The following DOCK3 variants were observed in gnomAD, a reference collection of about 807,000 sequenced individuals.
DOCK3 encodes dedicator of cytokinesis 3.
In DOCK3, 60 loss-of-function variants were observed where a neutral mutation model predicts 265.6. The ratio of observed to expected loss-of-function variants is 0.23; its 90% confidence interval spans 0.18 to 0.28. DOCK3 has a LOEUF of 0.28. Among genes scored for constraint, DOCK3 ranks in the 10% least tolerant of loss-of-function variants. The pLI is 1.00. For synonymous variants in DOCK3, 881 were observed against 938.0 expected (o/e 0.94, Z 1.11); for missense variants, 1,981 against 2,594.3 (o/e 0.76, Z 5.14).
In DOCK3 at chr3:51,171,955, CTA is replaced by C. The variant is rs1200498718; in HGVS notation, c.1037+11257_1037+11258del. Among the ~76,000 whole-genome samples, 5 of 152,040 alleles carry C rather than the reference CTA, an allele frequency of 3.3e-5. No individual in the cohort carries two copies. The East Asian group carries it at 9.6e-4, about 29-fold the overall frequency. ...AGTTCCCTACTGTTATTGTATTGTA[CTA>C]TATCTCTTCCTGTAGAACTATTAAT... On this transcript the variant is annotated intron_variant, in intron 12 of 52. Transcript: ENST00000266037.
chr3:51,220,668 A>C (rs58488974), intron 14 of DOCK3, among the ~76,000 whole-genome samples: 33 of 109,426 alleles, frequency 3.0e-4, no homozygotes, highest in African/African-American at 1.2e-3. Flanking sequence ...AAAAAAAAAA[A>C]AAATATATAT....
chr3:50,768,094 G>A (rs956253195), intron 1 of DOCK3, among the ~76,000 whole-genome samples: 3 of 152,058 alleles, frequency 2.0e-5, no homozygotes, highest in Non-Finnish European at 4.4e-5. Flanking sequence ...TTTCCTAATT[G>A]AATACCCTTT....
At chr3:51,157,261 C>CT (rs574157069) in intron 10 of DOCK3, among the ~76,000 whole-genome samples, 33 of 149,600 alleles carry the variant, frequency 2.2e-4, no homozygotes, top group African/African-American at 4.6e-4. Flanking sequence ...CTACATATTA[C>CT]TTTTTTTTTT....
At chr3:50,971,387 G>T (rs893899686) in intron 5 of DOCK3, among the ~76,000 whole-genome samples, 1 of 151,892 alleles carries the variant, frequency 6.6e-6, no homozygotes, top group Non-Finnish European at 1.5e-5. Context: ...TGTTGTATAG[G>T]GTCATTAGGT....
intron 2 of DOCK3, among the ~76,000 whole-genome samples, chr3:50,832,348 C>G (rs13100403): frequency 0.094 from 14,355 of 152,128 alleles, 834 homozygotes; most frequent in Non-Finnish European, 0.12. Context: ...CAACAAAAGC[C>G]AAAATTGACA....
chr3:50,882,308 C>T (rs1340717410), intron 3 of DOCK3, among the ~76,000 whole-genome samples: 1 of 152,170 alleles, frequency 6.6e-6, no homozygotes, highest in Non-Finnish European at 1.5e-5. Flanking sequence ...GCAAAAGAAA[C>T]TACCATCAGA....
At chr3:50,963,178 C>T (rs2108404713) in intron 5 of DOCK3, among the ~76,000 whole-genome samples, 1 of 152,260 alleles carries the variant, frequency 6.6e-6, no homozygotes, top group South Asian at 2.1e-4. Flanking sequence ...GTGAGACTGT[C>T]TCAAAAACAA....
At chr3:51,173,362 A>C (rs895451118) in intron 12 of DOCK3, among the ~76,000 whole-genome samples, 1 of 152,202 alleles carries the variant, frequency 6.6e-6, no homozygotes, top group South Asian at 2.1e-4. Context: ...GGCTCAAGTG[A>C]TCTGCCTGCC....
chr3:51,149,856 A>C (rs1030685916), intron 10 of DOCK3, among the ~76,000 whole-genome samples: 1 of 152,210 alleles, frequency 6.6e-6, no homozygotes, highest in African/African-American at 2.4e-5. Flanking sequence ...TGGCCTCATA[A>C]AATGAGTTAG....
At chr3:50,877,680 C>CTTTTT in intron 3 of DOCK3, 1 of 356,132 alleles carries the variant, frequency 2.8e-6, no homozygotes, top group Admixed American at 3.9e-5. Context: ...CTTTTCTTTT[C>CTTTTT]TTTTTCTTTT....
At chr3:51,142,080 T>C (rs1478450906) in intron 9 of DOCK3, among the ~76,000 whole-genome samples, 1 of 152,232 alleles carries the variant, frequency 6.6e-6, no homozygotes, top group Middle Eastern at 3.4e-3. Context: ...CACCTATTGT[T>C]TCCTTCTTCA....
chr3:51,082,574 C>A (rs2082279097), intron 7 of DOCK3, among the ~76,000 whole-genome samples: 5 of 152,178 alleles, frequency 3.3e-5, no homozygotes. Context: ...GTGGCAGAGC[C>A]ACTGCATACC....
intron 12 of DOCK3, among the ~76,000 whole-genome samples, chr3:51,176,118 A>G (rs1025116139): frequency 6.6e-6 from 1 of 152,224 alleles, no homozygotes. Context: ...TAATTCATTA[A>G]ATAATGAGCC....
chr3:51,331,581 G>A (rs1257612706), intron 33 of DOCK3, among the ~76,000 whole-genome samples: 1 of 151,948 alleles, frequency 6.6e-6, no homozygotes, highest in Non-Finnish European at 1.5e-5. Flanking sequence ...AGTAAATCAT[G>A]GGTGAATTAG....
At chr3:50,938,182 C>T (rs1043737746) in intron 5 of DOCK3, among the ~76,000 whole-genome samples, 12 of 151,682 alleles carry the variant, frequency 7.9e-5, no homozygotes, top group African/African-American at 2.9e-4. Flanking sequence ...AGAAAACTAC[C>T]AGGGAAAAAG....
intron 1 of DOCK3, among the ~76,000 whole-genome samples, chr3:50,695,752 G>C (rs1477500869): frequency 6.6e-6 from 1 of 152,190 alleles, no homozygotes; most frequent in African/African-American, 2.4e-5. Context: ...GTGCTCCTGG[G>C]GGTCGCTAGA....
intron 3 of DOCK3, among the ~76,000 whole-genome samples, chr3:50,846,413 A>G (rs1219567843): frequency 6.6e-6 from 1 of 152,152 alleles, no homozygotes; most frequent in Non-Finnish European, 1.5e-5. Context: ...TCAGGTTACT[A>G]GTATTTTGTT....
chr3:51,342,954 G>A (rs1459029388), intron 38 of DOCK3, among the ~76,000 whole-genome samples: 1 of 152,144 alleles, frequency 6.6e-6, no homozygotes, highest in Non-Finnish European at 1.5e-5. Context: ...CCTCAGAGGG[G>A]CAGTTATCAG....
intron 3 of DOCK3, among the ~76,000 whole-genome samples, chr3:50,880,378 A>G (rs1575432305): frequency 2.0e-5 from 3 of 152,208 alleles, no homozygotes; most frequent in Admixed American, 2.0e-4. Flanking sequence ...ATAGACCACT[A>G]GCAAGTCTGA....
Sources: gnomAD v4.1 joint callset for allele counts (sites outside exome capture counted in the v4.1 genomes callset) on GRCh38, gnomAD v4.1.1 for gene constraint, MANE v1.5 for transcripts, NCBI Gene and HGNC (gene_info 2026-07-23, HGNC 2026-07-21) for gene names.